The following HSD17B12 variants were observed in gnomAD, a reference collection of about 807,000 sequenced individuals.
HSD17B12 encodes the protein hydroxysteroid 17-beta dehydrogenase 12.
In HSD17B12, 32 loss-of-function variants were observed where a neutral mutation model predicts 39.3. The ratio of observed to expected loss-of-function variants is 0.81; its 90% CI spans 0.61 to 1.09. The LOEUF is 1.09. Among genes scored for constraint, HSD17B12 ranks in the 50% least tolerant of loss-of-function variants. The pLI, the probability that HSD17B12 is intolerant of heterozygous loss-of-function variation, is 0.00. For synonymous variants in HSD17B12, 150 were observed against 146.7 expected (o/e 1.02, Z -0.16); for missense variants, 342 against 382.9 (o/e 0.89, Z 0.89).
the HSD17B12 span, among the ~76,000 whole-genome samples, chr11:43,615,141 T>A: frequency 6.6e-6 from 1 of 152,320 alleles, no homozygotes; most frequent in South Asian, 2.1e-4. Context: ...ATTACCTTGA[T>A]CCTTTGAAGT....
At chr11:43,710,114 G>A (rs1028180975) in intron 1 of HSD17B12, among the ~76,000 whole-genome samples, 4 of 152,222 alleles carry the variant, frequency 2.6e-5, no homozygotes, top group Admixed American at 1.3e-4. Context: ...AAAGAATATA[G>A]TGGGTGATAG....
chr11:43,635,966 T>A, the HSD17B12 span, among the ~76,000 whole-genome samples: 904 of 152,324 alleles, frequency 5.9e-3, 7 homozygotes, highest in African/African-American at 0.021. Context: ...AGGGCTTGTT[T>A]CTATGTAGTA....
rs150676507 is a variant in HSD17B12, at chr11:43,689,691, C to T, written c.160+8704C>T. 1.8e-3 allele frequency among the ~76,000 whole-genome samples: 276 copies of T among 152,072 alleles called. 1 individual carries two copies. The highest frequency in any genetic ancestry group is 6.3e-3 in the African/African-American group (260 of 41,462). On this transcript the variant is annotated intron_variant, in intron 1 of 10. Transcript: ENST00000278353. ...CCCCCCAAGTAGCTGGGACTACAGG[C>T]GAGTGCCACCACACCCTGATAATTT...
At chr11:43,785,696 T>C (rs933433182) in intron 3 of HSD17B12, among the ~76,000 whole-genome samples, 23 of 152,214 alleles carry the variant, frequency 1.5e-4, no homozygotes, top group African/African-American at 5.3e-4. Context: ...ATCAAAACAT[T>C]CTAAGTGAAA....
rs748833904 is a variant in HSD17B12 at position 43,854,784 on chromosome 11, C to T, written c.754C>T (p.Pro252Ser). ...GAAGCCAACTTTGGATAAGCCCTCT[C>T]CGGAGACGTTTGTGAAGTCTGCAAT... ...IRKPTLDKPSPETFVKSAIKT... is the reference protein window; with the variant it reads ...IRKPTLDKPSSETFVKSAIKT... The change falls in exon 10 of 11, where the codon CCG becomes TCG. Residue 252 changes from proline (P) to serine (S), a missense_variant. Physicochemically the swap from Pro to Ser is moderately conservative, Grantham distance 74. Transcript: ENST00000278353. 1.2e-6 allele frequency: 2 copies of T among 1,614,182 alleles called. No homozygotes were observed. Among genetic ancestry groups the T allele is most frequent in the South Asian group, 2.2e-5 (2 of 91,086 alleles).
chr11:43,719,116 G>A, intron 1 of HSD17B12: 1 of 762,058 alleles, frequency 1.3e-6, no homozygotes, highest in Non-Finnish European at 2.4e-6. Context: ...ACAATGCTTT[G>A]GATGTTGCCA....
intron 5 of HSD17B12, among the ~76,000 whole-genome samples, chr11:43,815,980 G>A (rs1951118905): frequency 6.6e-6 from 1 of 152,082 alleles, no homozygotes; most frequent in Non-Finnish European, 1.5e-5. Context: ...TATCATTGAA[G>A]GACTATGTAA....
At chr11:43,754,538 T>A (rs1950493027) in intron 3 of HSD17B12, among the ~76,000 whole-genome samples, 1 of 152,298 alleles carries the variant, frequency 6.6e-6, no homozygotes, top group South Asian at 2.1e-4. Flanking sequence ...ATAGTCCCAC[T>A]GCACTCCAGC....
chr11:43,807,556 T>C (rs1301443822), intron 4 of HSD17B12, among the ~76,000 whole-genome samples: 1 of 152,158 alleles, frequency 6.6e-6, no homozygotes. Context: ...TTAGACTTCA[T>C]TGGAAGTACA....
chr11:43,638,749 C>A, the HSD17B12 span, among the ~76,000 whole-genome samples: 1 of 152,094 alleles, frequency 6.6e-6, no homozygotes, highest in African/African-American at 2.4e-5. Flanking sequence ...ATGCCTAATG[C>A]TTTCTTTTAA....
At chr11:43,737,941 C>G (rs955938132) in intron 1 of HSD17B12, among the ~76,000 whole-genome samples, 1 of 151,312 alleles carries the variant, frequency 6.6e-6, no homozygotes. Flanking sequence ...GGCATGGTGG[C>G]GGGCGCCTGT....
intron 3 of HSD17B12, among the ~76,000 whole-genome samples, chr11:43,778,223 T>G (rs1410615961): frequency 1.3e-5 from 2 of 152,168 alleles, no homozygotes; most frequent in African/African-American, 2.4e-5. Flanking sequence ...GCAAATAAAC[T>G]AGACAATCTA....
At chr11:43,716,182 A>C (rs1428928017) in intron 1 of HSD17B12, among the ~76,000 whole-genome samples, 1 of 152,180 alleles carries the variant, frequency 6.6e-6, no homozygotes, top group Non-Finnish European at 1.5e-5. Flanking sequence ...CAAACCCTGA[A>C]GGTTTTCTTC....
chr11:43,579,673 G>A, the HSD17B12 span, among the ~76,000 whole-genome samples: 2 of 152,026 alleles, frequency 1.3e-5, no homozygotes, highest in Admixed American at 6.5e-5. Context: ...CTGGCGCGGC[G>A]GGCGCGCAGA....
At chr11:43,653,818 G>A in the HSD17B12 span, among the ~76,000 whole-genome samples, 2 of 152,088 alleles carry the variant, frequency 1.3e-5, no homozygotes, top group African/African-American at 4.8e-5. Context: ...CATTTGGCTT[G>A]GTTCCAAGTC....
At chr11:43,568,258 C>T in the HSD17B12 span, among the ~76,000 whole-genome samples, 1 of 152,028 alleles carries the variant, frequency 6.6e-6, no homozygotes, top group Non-Finnish European at 1.5e-5. Context: ...CACCATCACA[C>T]CTCGTTAATT....
At chr11:43,583,872 G>A in the HSD17B12 span, among the ~76,000 whole-genome samples, 1 of 152,150 alleles carries the variant, frequency 6.6e-6, no homozygotes, top group Non-Finnish European at 1.5e-5. Flanking sequence ...CCTTCCGGGG[G>A]TGTGAGAAGT....
intron 3 of HSD17B12, among the ~76,000 whole-genome samples, chr11:43,796,346 T>C (rs1950916177): frequency 6.6e-6 from 1 of 151,570 alleles, no homozygotes; most frequent in Non-Finnish European, 1.5e-5. Context: ...ACCCCATCTC[T>C]TAAAAGAAAA....
intron 2 of HSD17B12, 108 bp downstream of exon 2, chr11:43,751,065 T>C (rs1950460976): frequency 1.4e-6 from 1 of 705,434 alleles, no homozygotes; most frequent in Non-Finnish European, 2.4e-6. Flanking sequence ...AAATATAATG[T>C]TGCATGGTAC....
Sources: allele counts gnomAD v4.1 joint callset (sites outside exome capture counted in the v4.1 genomes callset), GRCh38; gene constraint gnomAD v4.1.1; transcripts MANE v1.5; gene names NCBI Gene and HGNC (gene_info 2026-07-23, HGNC 2026-07-21).